Variants in ZFHX3 observed in about 807,000 individuals in gnomAD.
ZFHX3 encodes the protein zinc finger homeobox protein 3.
Under a neutral mutation model 279.1 loss-of-function variants are expected in ZFHX3, and 42 were observed. The observed-to-expected ratio is 0.15, with a 90% CI of 0.12 to 0.19. The LOEUF is 0.19. Among genes scored for constraint, ZFHX3 ranks in the 10% least tolerant of loss-of-function variants. ZFHX3 has a pLI of 1.00. For missense variants in ZFHX3, 4,981 were observed against 4,754.0 expected, an observed-to-expected ratio of 1.05 and a Z score of -1.40; for synonymous variants, 2,293 against 1,957.8, an observed-to-expected ratio of 1.17 and a Z score of -4.52.
At chr16:73,348,598 T>G (rs1386694111) in intron 3 of ZFHX3, among the ~76,000 whole-genome samples, 1 of 152,218 alleles carries the variant, frequency 6.6e-6, no homozygotes, top group East Asian at 1.9e-4. Context: ...GACTCTGGCG[T>G]TCAGAGGATG....
intron 1 of ZFHX3, among the ~76,000 whole-genome samples, chr16:73,862,850 C>T (rs1465216165): frequency 1.3e-5 from 2 of 152,162 alleles, no homozygotes; most frequent in Non-Finnish European, 2.9e-5. Flanking sequence ...GTGATACCTA[C>T]ACATCATACA....
At chr16:72,838,819 G>A (rs539310218) in intron 4 of ZFHX3, among the ~76,000 whole-genome samples, 2 of 152,306 alleles carry the variant, frequency 1.3e-5, no homozygotes, top group South Asian at 2.1e-4. Flanking sequence ...AATCCAGAAA[G>A]GATAAAAGTA....
At chr16:73,209,897 G>A (rs1308133897) in intron 5 of ZFHX3, among the ~76,000 whole-genome samples, 1 of 152,164 alleles carries the variant, frequency 6.6e-6, no homozygotes, top group Non-Finnish European at 1.5e-5. Context: ...CACGTTGAGA[G>A]CCAATCAATG....
intron 3 of ZFHX3, among the ~76,000 whole-genome samples, chr16:72,909,832 C>T (rs2039273712): frequency 7.2e-6 from 1 of 138,626 alleles, no homozygotes; most frequent in Non-Finnish European, 1.5e-5. Flanking sequence ...GAGCCAAGAT[C>T]GTGCCACTGC....
At chr16:73,063,315 G>A (rs1342699507), upstream of ZFHX3, among the ~76,000 whole-genome samples, 2 of 152,210 alleles carry the variant, frequency 1.3e-5, no homozygotes, top group African/African-American at 4.8e-5. Context: ...TCTGGAAATG[G>A]CAGAAGATGA....
At chr16:73,635,729 C>T (rs1440619432) in intron 2 of ZFHX3, among the ~76,000 whole-genome samples, 2 of 152,304 alleles carry the variant, frequency 1.3e-5, no homozygotes, top group Non-Finnish European at 2.9e-5. Context: ...TCACTACTCC[C>T]ATCTACCATC....
intron 3 of ZFHX3, among the ~76,000 whole-genome samples, chr16:72,931,232 A>G (rs751707163): frequency 3.2e-4 from 48 of 152,206 alleles, no homozygotes; most frequent in Admixed American, 6.5e-4. Context: ...CAGGCAGGTC[A>G]TGAGCTTGGT....
chr16:72,974,991 A>T (rs1486473635), intron 1 of ZFHX3, among the ~76,000 whole-genome samples: 1 of 152,160 alleles, frequency 6.6e-6, no homozygotes, highest in Non-Finnish European at 1.5e-5. Context: ...CTAGAGGCCC[A>T]GAGAGTTGCT....
At chr16:73,260,227 C>T (rs959616087) in intron 4 of ZFHX3, among the ~76,000 whole-genome samples, 3 of 152,084 alleles carry the variant, frequency 2.0e-5, no homozygotes, top group African/African-American at 7.2e-5. Flanking sequence ...ATGGAATTGA[C>T]GTTATGTGCA....
At chr16:73,883,937 T>G (rs1263775851) in intron 1 of ZFHX3, among the ~76,000 whole-genome samples, 1 of 152,102 alleles carries the variant, frequency 6.6e-6, no homozygotes, top group East Asian at 1.9e-4. Flanking sequence ...CTTTGGAAAT[T>G]TCAAGGATTA....
chr16:73,462,067 C>T (rs2018480385), intron 2 of ZFHX3, among the ~76,000 whole-genome samples: 1 of 152,156 alleles, frequency 6.6e-6, no homozygotes, highest in Admixed American at 6.5e-5. Context: ...TTTCAATATA[C>T]AAGTCCTGTA....
intron 7 of ZFHX3, among the ~76,000 whole-genome samples, chr16:73,122,780 C>T (rs1322536490): frequency 6.6e-6 from 1 of 152,170 alleles, no homozygotes; most frequent in Non-Finnish European, 1.5e-5. Flanking sequence ...AAGACTTCTC[C>T]TTCGGCTTTC....
intron 3 of ZFHX3, among the ~76,000 whole-genome samples, chr16:73,419,818 G>A (rs2017680519): frequency 6.6e-6 from 1 of 152,152 alleles, no homozygotes; most frequent in Non-Finnish European, 1.5e-5. Context: ...GATACTTTTT[G>A]AATCTAATGA....
At chr16:73,043,356 C>T (rs1965182559) in intron 1 of ZFHX3, among the ~76,000 whole-genome samples, 1 of 152,118 alleles carries the variant, frequency 6.6e-6, no homozygotes, top group South Asian at 2.1e-4. Context: ...TGCTAAGAGG[C>T]CCGGGCTGGA....
intron 4 of ZFHX3, among the ~76,000 whole-genome samples, chr16:73,288,098 C>A (rs62054721): frequency 0.77 from 117,176 of 151,244 alleles, 45,670 homozygotes; most frequent in East Asian, 0.96. Flanking sequence ...TTAGCCGTTC[C>A]ATCTCAGCAG....
exon 8 of ZFHX3, chr16:73,093,419 G>A (rs921076464): frequency 2.1e-6 from 1 of 470,770 alleles, no homozygotes; most frequent in African/African-American, 2.0e-5. Context: ...GATCACTTTG[G>A]TCCGTTTGAG....
intron 1 of ZFHX3, among the ~76,000 whole-genome samples, chr16:73,841,669 T>G (rs1316324667): frequency 6.6e-6 from 1 of 152,084 alleles, no homozygotes; most frequent in Non-Finnish European, 1.5e-5. Context: ...GGGAGCTCTC[T>G]TGGAGAAGAG....
At chr16:73,876,709 T>G (rs1289011334) in intron 1 of ZFHX3, among the ~76,000 whole-genome samples, 4 of 152,230 alleles carry the variant, frequency 2.6e-5, no homozygotes. Context: ...TACTCATTTG[T>G]TAAACCAGAA....
chr16:73,682,844 AAAAGAAAGAGAAAG>A (rs2053025708), intron 1 of ZFHX3, among the ~76,000 whole-genome samples: 1 of 139,784 alleles, frequency 7.2e-6, no homozygotes, highest in Non-Finnish European at 1.5e-5. Context: ...GAGAGAGAAA[AAAAGAAAGAGAAAG>A]AAAGAAAGAA....
Sources: allele counts gnomAD v4.1 joint callset (sites outside exome capture counted in the v4.1 genomes callset), GRCh38; gene constraint gnomAD v4.1.1; transcripts MANE v1.5; gene names NCBI Gene and HGNC (gene_info 2026-07-23, HGNC 2026-07-21).